The following CD81 variants were observed in gnomAD, a reference collection of about 807,000 sequenced individuals.
The protein encoded by CD81 is CD81 antigen.
Under a neutral mutation model 30.1 loss-of-function variants are expected in CD81, and 10 were observed. The observed-to-expected ratio is 0.33, with a 90% CI of 0.21 to 0.56. CD81 has a LOEUF of 0.56. Among genes scored for constraint, CD81 ranks in the 20% least tolerant of loss-of-function variants. The pLI, the probability that CD81 is intolerant of heterozygous loss-of-function variation, is 0.89. For synonymous variants in CD81, 147 were observed against 126.4 expected (o/e 1.16, Z -1.10); for missense variants, 263 against 308.7 (o/e 0.85, Z 1.11).
chr11:2,395,175 C>T (rs1380334822), intron 4 of CD81, 129 bp downstream of exon 4: 2 of 823,758 alleles, frequency 2.4e-6, no homozygotes, highest in Admixed American at 2.0e-5. Flanking sequence ...TCCCACTTGC[C>T]AGGAGGATCT....
intron 1 of CD81, chr11:2,389,973 G>T (rs1849868194): frequency 6.0e-6 from 2 of 333,824 alleles, no homozygotes; most frequent in Admixed American, 4.0e-5. Flanking sequence ...TCAGGTCCTG[G>T]TATCACCTCT....
intron 2 of CD81, among the ~76,000 whole-genome samples, chr11:2,390,809 A>C (rs1849884823): frequency 6.6e-6 from 1 of 150,390 alleles, no homozygotes; most frequent in African/African-American, 2.5e-5. Context: ...ATTTCGGGGG[A>C]GGCTCCCTGA....
At chr11:2,386,044 G>T in intron 1 of CD81, 2 of 717,268 alleles carry the variant, frequency 2.8e-6, no homozygotes, top group Non-Finnish European at 5.2e-6. Context: ...ATGCGTCCCA[G>T]TTGCCTCCCC....
chr11:2,391,078 C>T, intron 2 of CD81: 1 of 215,918 alleles, frequency 4.6e-6, no homozygotes. Context: ...GGAGCAGGAG[C>T]AGGAGTGATG....
intron 1 of CD81, among the ~76,000 whole-genome samples, chr11:2,384,391 C>T (rs1157518171): frequency 2.9e-5 from 2 of 68,898 alleles, no homozygotes; most frequent in Middle Eastern, 9.3e-3. Context: ...TGGGGTGGGG[C>T]GTCTCGTGGG....
rs768647721 is a variant in CD81, at chr11:2,395,463, C to T, written c.402C>T (p.Ala134=). The T allele has an allele frequency of 3.2e-5, 52 of 1,612,686 alleles. No individual in the cohort carries two copies. Among genetic ancestry groups the T allele is most frequent in the South Asian group, 9.9e-5 (9 of 91,094 alleles). The change falls in exon 5 of 8, where the codon GCC becomes GCT. Residue 134 remains alanine (A), a synonymous_variant. Transcript: ENST00000263645. ...KQFYDQALQQ[A]VVDDDANNAK... ...TCTATGACCAGGCCCTACAGCAGGC[C>T]GTGGTGGATGATGACGCCAACAACG... is the stretch of plus-strand genomic sequence containing the variant.
At chr11:2,389,004 CT>C (rs982445237) in intron 1 of CD81, among the ~76,000 whole-genome samples, 12 of 152,182 alleles carry the variant, frequency 7.9e-5, no homozygotes, top group African/African-American at 2.9e-4. Flanking sequence ...TACTGTCCTC[CT>C]GGAGCAGCAG....
intron 2 of CD81, 59 bp from the exon 3 acceptor site, chr11:2,394,036 C>A (rs138186781): frequency 7.4e-7 from 1 of 1,345,140 alleles, no homozygotes; most frequent in Non-Finnish European, 1.1e-6. Context: ...CAGGACCCTC[C>A]GGGGTCTTGG....
chr11:2,393,652 G>T, intron 2 of CD81: 1 of 528,744 alleles, frequency 1.9e-6, no homozygotes, highest in South Asian at 2.5e-5. Context: ...TCTCAACCCC[G>T]GCCTACAGTG....
chr11:2,386,574 C>T (rs1236862417), intron 1 of CD81: 3 of 717,144 alleles, frequency 4.2e-6, no homozygotes, highest in Admixed American at 2.0e-5. Context: ...AAGGTCCCTG[C>T]TGAAGGTCGG....
chr11:2,389,854 C>T (rs1469695840), intron 1 of CD81, among the ~76,000 whole-genome samples: 1 of 152,092 alleles, frequency 6.6e-6, no homozygotes, highest in East Asian at 1.9e-4. Flanking sequence ...ATGGGGTGCC[C>T]CCACCCCAGA....
intron 2 of CD81, chr11:2,391,364 C>G (rs1193339422): frequency 6.5e-6 from 1 of 152,694 alleles, no homozygotes; most frequent in African/African-American, 2.4e-5. Context: ...GCTGCAGGGC[C>G]AGGCCCCCTG....
chr11:2,386,163 C>A (rs1349741996), intron 1 of CD81: 3 of 717,394 alleles, frequency 4.2e-6, no homozygotes, highest in Non-Finnish European at 7.8e-6. Context: ...CAAGGTGGAG[C>A]ATCTCTTCAT....
chr11:2,385,558 CTG>C (rs1179772057), intron 1 of CD81: 1 of 265,910 alleles, frequency 3.8e-6, no homozygotes, highest in African/African-American at 2.3e-5. Context: ...GCATGCCTGT[CTG>C]TGCACCCGTG....
chr11:2,377,632 G>C lies in CD81; in HGVS notation c.66+17G>C. The C allele has an allele frequency of 2.0e-6, 3 of 1,513,876 alleles. No individual in the cohort carries two copies. Among genetic ancestry groups the C allele is most frequent in the Non-Finnish European group, 2.7e-6 (3 of 1,117,240 alleles). 93.8% of individuals were successfully genotyped at this position (1,513,876 alleles called of 1,614,324 possible). A position where few individuals can be genotyped will look rare whatever the true frequency, so the allele number is the denominator to read the frequency against. On this transcript the variant is annotated intron_variant, in intron 1 of 7. Coordinates refer to ENST00000263645, the MANE Select transcript of CD81 (RefSeq NM_004356.4). The surrounding 1 kb of genome is among the most constrained non-coding windows in gnomAD (Gnocchi z 7.7). ...GTCTTCTGGGTAAGGGCTGCGCCGG[G>C]GGCCGGGGCGGGAGGGGGCAGGCAC...
At chr11:2,388,387 G>A (rs143889176) in intron 1 of CD81, among the ~76,000 whole-genome samples, 2,566 of 152,322 alleles carry the variant, frequency 0.017, 38 homozygotes, top group Non-Finnish European at 0.023. Context: ...CGGGGACTTG[G>A]GTGCAGGCCA....
intron 1 of CD81, among the ~76,000 whole-genome samples, chr11:2,387,930 C>T (rs898329938): frequency 6.6e-6 from 1 of 152,236 alleles, no homozygotes; most frequent in African/African-American, 2.4e-5. Context: ...GAAACCACAG[C>T]CCAGGTTGTT....
intron 1 of CD81, chr11:2,386,640 G>A (rs1849803377): frequency 1.4e-6 from 1 of 716,910 alleles, no homozygotes; most frequent in African/African-American, 1.7e-5. Context: ...CAAGGCTCAG[G>A]TGAGGCCTCT....
At chr11:2,389,117 C>T (rs12289704) in intron 1 of CD81, among the ~76,000 whole-genome samples, 15,879 of 151,998 alleles carry the variant, frequency 0.1, 2,371 homozygotes, top group African/African-American at 0.34. Flanking sequence ...ACGCAGAGTC[C>T]CCAGGCTGCT....
Sources: allele counts gnomAD v4.1 joint callset (sites outside exome capture counted in the v4.1 genomes callset), GRCh38; gene constraint gnomAD v4.1.1; non-coding constraint Gnocchi (gnomAD v3.1); transcripts MANE v1.5; gene names NCBI Gene and HGNC (gene_info 2026-07-23, HGNC 2026-07-21).